IQSEC1: variants seen among roughly 807,000 people sequenced by gnomAD.
IQSEC1 encodes the protein IQ motif and Sec7 domain ArfGEF 1, also known as IQ motif and SEC7 domain-containing protein 1.
Under a neutral mutation model 91.0 loss-of-function variants are expected in IQSEC1, and 31 were observed. The ratio of observed to expected loss-of-function variants is 0.34; its 90% CI spans 0.26 to 0.46. IQSEC1 has a LOEUF of 0.46. Ranked by LOEUF, IQSEC1 falls within the 20% of genes least tolerant of loss-of-function variation. The pLI is 1.00. For synonymous variants in IQSEC1, 699 were observed against 662.6 expected (o/e 1.05, Z -0.84); for missense variants, 1,388 against 1,575.6 (o/e 0.88, Z 2.02).
intron 3 of IQSEC1, among the ~76,000 whole-genome samples, chr3:12,927,380 C>T (rs569276858): frequency 7.5e-5 from 11 of 146,756 alleles, no homozygotes; most frequent in African/African-American, 2.4e-4. Flanking sequence ...ACCCCTGCTG[C>T]CTGGTCCCTT....
intron 1 of IQSEC1, among the ~76,000 whole-genome samples, chr3:12,957,684 G>A (rs555993539): frequency 2.6e-5 from 4 of 152,340 alleles, no homozygotes; most frequent in South Asian, 4.1e-4. Flanking sequence ...CTCATGGCCC[G>A]CCCTGCCAGC....
chr3:12,993,637 G>T (rs1415049075), intron 1 of IQSEC1, among the ~76,000 whole-genome samples: 1 of 151,916 alleles, frequency 6.6e-6, no homozygotes, highest in Non-Finnish European at 1.5e-5. Context: ...CCAATATCGC[G>T]CCTTTAGCGT....
chr3:13,269,202 G>A (rs1311416054), intron 1 of IQSEC1, among the ~76,000 whole-genome samples: 1 of 152,212 alleles, frequency 6.6e-6, no homozygotes, highest in Non-Finnish European at 1.5e-5. Context: ...GAGGAACTCA[G>A]GCCAACACTC....
intron 3 of IQSEC1, among the ~76,000 whole-genome samples, chr3:12,925,279 C>G (rs1009836945): frequency 6.6e-6 from 1 of 152,220 alleles, no homozygotes; most frequent in Non-Finnish European, 1.5e-5. Flanking sequence ...CGGGTAATAA[C>G]AGCAACCACA....
At chr3:12,964,788 A>C (rs1189051472) in intron 1 of IQSEC1, among the ~76,000 whole-genome samples, 1 of 152,164 alleles carries the variant, frequency 6.6e-6, no homozygotes, top group Non-Finnish European at 1.5e-5. Flanking sequence ...ATTCCACAGT[A>C]TGCAGAGTCC....
At chr3:13,115,750 G>A (rs564527571) in intron 2 of IQSEC1, among the ~76,000 whole-genome samples, 124 of 152,306 alleles carry the variant, frequency 8.1e-4, no homozygotes, top group Non-Finnish European at 1.6e-3. Context: ...CTGAATGCAC[G>A]CTAGCCCATT....
At chr3:13,077,140 C>A (rs1429756553), upstream of IQSEC1, among the ~76,000 whole-genome samples, 1 of 151,792 alleles carries the variant, frequency 6.6e-6, no homozygotes, top group Non-Finnish European at 1.5e-5. Flanking sequence ...CTGGGCTCAG[C>A]GATCTTCCTG....
intron 1 of IQSEC1, among the ~76,000 whole-genome samples, chr3:13,185,492 A>G (rs1553572713): frequency 6.6e-6 from 1 of 152,188 alleles, no homozygotes; most frequent in Non-Finnish European, 1.5e-5. Flanking sequence ...TGCGCCTGCT[A>G]TATGGGAGCA....
At chr3:13,170,453 A>AAGGCCACCGTCCTCCAGACCCC (rs1693585034) in intron 1 of IQSEC1, among the ~76,000 whole-genome samples, 1 of 152,210 alleles carries the variant, frequency 6.6e-6, no homozygotes, top group Admixed American at 6.5e-5. Flanking sequence ...CTGTGAGAAG[A>AAGGCCACCGTCCTCCAGACCCC]AGGCCACCGT....
At chr3:13,066,391 G>A (rs1705229486) in intron 1 of IQSEC1, among the ~76,000 whole-genome samples, 1 of 152,280 alleles carries the variant, frequency 6.6e-6, no homozygotes, top group South Asian at 2.1e-4. Flanking sequence ...AGAGGGGCCG[G>A]CACTGTGTCT....
At chr3:13,204,332 C>T (rs1378638998) in intron 1 of IQSEC1, among the ~76,000 whole-genome samples, 1 of 152,272 alleles carries the variant, frequency 6.6e-6, no homozygotes, top group African/African-American at 2.4e-5. Context: ...CCCGATGATC[C>T]CAGCCAAGAG....
chr3:13,086,335 C>T (rs3856815), intron 2 of IQSEC1, among the ~76,000 whole-genome samples: 17,233 of 152,218 alleles, frequency 0.11, 1,031 homozygotes, highest in Middle Eastern at 0.2. Flanking sequence ...TCAGTGAGGG[C>T]TGCTTGTCAC....
chr3:12,980,370 C>A (rs1308318569), intron 1 of IQSEC1, among the ~76,000 whole-genome samples: 1 of 152,236 alleles, frequency 6.6e-6, no homozygotes, highest in African/African-American at 2.4e-5. Flanking sequence ...AGTCTTCAGT[C>A]TTGAGACCCA....
chr3:12,957,176 A>G lies in IQSEC1; in HGVS notation c.24-15311T>C, dbSNP rs1236361204. Among the ~76,000 whole-genome samples the G allele has an allele frequency of 2.6e-5, 4 of 151,794 alleles. No individual in the cohort carries two copies. The East Asian group carries it at 7.7e-4, about 29-fold the overall frequency. On this transcript the variant is annotated intron_variant, in intron 1 of 13. Coordinates refer to ENST00000613206, the MANE Select transcript of IQSEC1 (RefSeq NM_001134382.3). ...TGCTTCCAAAGGCCTCCTTCCTTCC[A>G]CTCTGCCACAGCTTACCTGGTCTCA... is the stretch of plus-strand genomic sequence containing the variant.
At chr3:12,946,689 T>C (rs549852592) in intron 1 of IQSEC1, among the ~76,000 whole-genome samples, 2 of 152,176 alleles carry the variant, frequency 1.3e-5, no homozygotes, top group African/African-American at 4.8e-5. Flanking sequence ...GAAAAAGCCT[T>C]GGGGATTTTT....
chr3:13,245,253 G>C (rs1695089879), intron 1 of IQSEC1, among the ~76,000 whole-genome samples: 1 of 152,166 alleles, frequency 6.6e-6, no homozygotes, highest in Non-Finnish European at 1.5e-5. Flanking sequence ...CCTCCACGTG[G>C]TGTCTCATCC....
rs1694359071 is a variant in IQSEC1 at position 13,207,128 on chromosome 3, G to A, written c.273-42995C>T. 6.6e-6 allele frequency among the ~76,000 whole-genome samples: 1 copy of A among 152,096 alleles called. No individual in the cohort carries two copies. The highest frequency in any genetic ancestry group is 2.1e-4 in the South Asian group (1 of 4,806). ...TGACAATTTCTACTACTGCATCGTG[G>A]GACCACCCAACTTGTGCCCTCACCA... On this transcript the variant is annotated intron_variant, in intron 1 of 15. Coordinates refer to the IQSEC1 transcript ENST00000648114. This position sits in a 1 kb window ranked among gnomAD's most constrained non-coding sequence, Gnocchi z 4.8.
intron 2 of IQSEC1, among the ~76,000 whole-genome samples, chr3:13,096,864 C>T (rs202107601): frequency 1.4e-5 from 2 of 142,440 alleles, no homozygotes; most frequent in African/African-American, 2.6e-5. Flanking sequence ...TTCTTTCTTT[C>T]TTTTTTTTTT....
intron 1 of IQSEC1, among the ~76,000 whole-genome samples, chr3:13,013,110 G>A (rs577779806): frequency 2.6e-5 from 4 of 152,082 alleles, no homozygotes; most frequent in East Asian, 1.9e-4. Context: ...ACCGGCATGC[G>A]CCACCACGCC....
Sources: allele counts gnomAD v4.1 joint callset (sites outside exome capture counted in the v4.1 genomes callset), GRCh38; gene constraint gnomAD v4.1.1; non-coding constraint Gnocchi (gnomAD v3.1); transcripts MANE v1.5; gene names NCBI Gene and HGNC (gene_info 2026-07-23, HGNC 2026-07-21).